Variants in ANO1 observed in about 807,000 individuals in gnomAD.
The protein encoded by ANO1 is anoctamin 1, also known as anoctamin-1.
In ANO1, 59 loss-of-function variants were observed where a neutral mutation model predicts 124.0. That is an observed-to-expected ratio of 0.48 (90% confidence interval 0.39 to 0.59). The LOEUF (loss-of-function observed/expected upper bound fraction) is 0.59, where lower values mean the gene tolerates loss of function less well. Among genes scored for constraint, ANO1 ranks in the 20% least tolerant of loss-of-function variants. The pLI, the probability that ANO1 is intolerant of heterozygous loss-of-function variation, is 0.00. For synonymous variants in ANO1, 529 were observed against 532.0 expected (o/e 0.99, Z 0.08); for missense variants, 1,059 against 1,328.0 (o/e 0.80, Z 3.15).
At position 70,082,380 on chromosome 11, in the gene ANO1, G is replaced by T. The variant is rs2044226564; in HGVS notation, c.108+3666G>T. ...TCAAGACCAGCCTGGCCAACATAGT[G>T]AAACCCAAGTCTCTACTAAAATTAT... On this transcript the variant is annotated intron_variant, in intron 1 of 25. Coordinates refer to ENST00000355303, the MANE Select transcript of ANO1 (RefSeq NM_018043.7). Among the ~76,000 whole-genome samples the T allele has an allele frequency of 3.3e-5, 5 of 152,198 alleles. No homozygotes were observed. The South Asian group carries it at 8.3e-4, about 25-fold the overall frequency.
intron 1 of ANO1, among the ~76,000 whole-genome samples, chr11:69,997,744 C>T (rs7942235): frequency 0.53 from 79,996 of 151,932 alleles, 21,169 homozygotes; most frequent in Non-Finnish European, 0.54. Flanking sequence ...TGAGTTCTCA[C>T]GAACCAGTTT....
chr11:69,997,365 G>T (rs1554998538), intron 1 of ANO1, among the ~76,000 whole-genome samples: 1 of 141,418 alleles, frequency 7.1e-6, no homozygotes, highest in Non-Finnish European at 1.5e-5. Flanking sequence ...AATTACATCA[G>T]GATGAAAGAC....
chr11:69,973,368 G>T, the ANO1 span, among the ~76,000 whole-genome samples: 167 of 152,230 alleles, frequency 1.1e-3, 1 homozygote, highest in Non-Finnish European at 1.9e-3. Flanking sequence ...TCAGCACTTC[G>T]ACCTGCGTCC....
chr11:70,043,790 C>T (rs1429948620), intron 1 of ANO1, among the ~76,000 whole-genome samples: 1 of 152,026 alleles, frequency 6.6e-6, no homozygotes, highest in Non-Finnish European at 1.5e-5. Flanking sequence ...AAATTCATTG[C>T]TAGCAGACCT....
At chr11:70,173,867 A>G (rs974487166) in intron 22 of ANO1, among the ~76,000 whole-genome samples, 7 of 152,038 alleles carry the variant, frequency 4.6e-5, no homozygotes, top group African/African-American at 1.7e-4. Flanking sequence ...CCTGGCCAAT[A>G]TGGTGAAACT....
chr11:70,019,340 A>ACATGCACACACG (rs1457157570), intron 1 of ANO1, among the ~76,000 whole-genome samples: 1 of 150,728 alleles, frequency 6.6e-6, no homozygotes, highest in Non-Finnish European at 1.5e-5. Context: ...ACGCACACAC[A>ACATGCACACACG]CATGCACACA....
intron 1 of ANO1, among the ~76,000 whole-genome samples, chr11:70,055,966 ACC>A (rs1555006792): frequency 1.7e-3 from 254 of 151,862 alleles, no homozygotes; most frequent in African/African-American, 6.0e-3. Flanking sequence ...AACTTCATTT[ACC>A]TTCCCTCCCA....
chr11:70,091,918 C>T (rs1197191783), intron 2 of ANO1, among the ~76,000 whole-genome samples: 5 of 152,212 alleles, frequency 3.3e-5, no homozygotes, highest in Non-Finnish European at 7.3e-5. Flanking sequence ...GGGGCCAGTT[C>T]TTGGAGATCG....
At chr11:70,034,230 C>T (rs1362690927) in intron 1 of ANO1, among the ~76,000 whole-genome samples, 2 of 152,100 alleles carry the variant, frequency 1.3e-5, no homozygotes, top group Non-Finnish European at 2.9e-5. Flanking sequence ...ATCAAACAGG[C>T]CCCTGACTTA....
In ANO1 at chr11:70,106,201, C is replaced by T. The variant is rs899276511; in HGVS notation, c.747+413C>T. Among the ~76,000 whole-genome samples, 5 of 152,058 alleles carry T rather than the reference C, an allele frequency of 3.3e-5. 1 individual carries two copies. Among genetic ancestry groups the T allele is most frequent in the Non-Finnish European group, 2.9e-5 (2 of 68,004 alleles). On this transcript the variant is annotated intron_variant, in intron 5 of 25. Coordinates refer to ENST00000355303, the MANE Select transcript of ANO1 (RefSeq NM_018043.7). ...GGGAGGGTTGGTGGAGGCAAAGGCG[C>T]GTGGGTTGAGATCTCTTTCCAGGCC...
intron 11 of ANO1, 100 bp from the exon 12 acceptor site, chr11:70,149,610 A>G: frequency 8.0e-7 from 1 of 1,256,358 alleles, no homozygotes; most frequent in South Asian, 1.3e-5. Flanking sequence ...AGATTGCGCC[A>G]TTGCACTACA....
chr11:70,053,278 T>A (rs917476165), intron 1 of ANO1, among the ~76,000 whole-genome samples: 4 of 152,222 alleles, frequency 2.6e-5, no homozygotes, highest in Admixed American at 6.5e-5. Flanking sequence ...TTTCTTTTTC[T>A]TGCCTTATTA....
intron 1 of ANO1, among the ~76,000 whole-genome samples, chr11:70,031,578 G>C (rs1486549678): frequency 1.3e-5 from 2 of 152,180 alleles, no homozygotes; most frequent in Non-Finnish European, 2.9e-5. Flanking sequence ...ACACATTCAA[G>C]GTGAGCCGTT....
At chr11:69,989,912 CAAGGAGAGGTTTGGGTGGGGAT>C (rs1250467703) in intron 1 of ANO1, among the ~76,000 whole-genome samples, 3 of 152,140 alleles carry the variant, frequency 2.0e-5, no homozygotes, top group Non-Finnish European at 4.4e-5. Context: ...GAAAAGACCA[CAAGGAGAGGTTTGGGTGGGGAT>C]AAGTGAGAGG....
rs2044637370 is a variant in ANO1, at chr11:70,091,823, G to T, written c.441+3739G>T. The stretch of plus-strand genomic sequence containing the variant: ...GGAGTGAGCAACCCCTATGCCCCGT[G>T]CGTGCCTCCTCACTGAGTCGGGAGG... On this transcript the variant is annotated intron_variant, in intron 2 of 25. Coordinates refer to ENST00000355303, the MANE Select transcript of ANO1 (RefSeq NM_018043.7). Among the ~76,000 whole-genome samples the T allele has an allele frequency of 2.0e-5, 3 of 152,240 alleles. No homozygotes were observed. The South Asian group carries it at 6.2e-4, about 31-fold the overall frequency.
chr11:69,997,751 GTT>G (rs571570134), intron 1 of ANO1, among the ~76,000 whole-genome samples: 77 of 152,236 alleles, frequency 5.1e-4, no homozygotes, highest in Admixed American at 1.0e-3. Flanking sequence ...TCACGAACCA[GTT>G]TTCATCGGGT....
intron 11 of ANO1, among the ~76,000 whole-genome samples, chr11:70,135,151 C>T (rs1286969939): frequency 2.0e-5 from 3 of 152,160 alleles, no homozygotes; most frequent in Non-Finnish European, 4.4e-5. Flanking sequence ...AGCCTCATGG[C>T]ACCCTCCCTC....
chr11:70,098,064 GCACCCGCCAAGGC>G (rs1374621636), intron 2 of ANO1, among the ~76,000 whole-genome samples: 13 of 152,218 alleles, frequency 8.5e-5, no homozygotes, highest in African/African-American at 3.1e-4. Context: ...ACCCCTTGGG[GCACCCGCCAAGGC>G]TCCTGGTGTC....
chr11:70,050,443 C>T lies in ANO1; in HGVS notation c.59-28099C>T, dbSNP rs545969835. On this transcript the variant is annotated intron_variant, in intron 1 of 27. Transcript: ENST00000531349. ...TCACCCGGAGCCCCCTTCCTCGTTC[C>T]CCAGGCAGCTCCCAAGCCCAGCCCT... Among the ~76,000 whole-genome samples the T allele has an allele frequency of 1.6e-4, 24 of 152,272 alleles. No individual in the cohort carries two copies. In the South Asian group the frequency reaches 4.8e-3, roughly 30 times the overall value.
Sources: gnomAD v4.1 joint callset for allele counts (sites outside exome capture counted in the v4.1 genomes callset) on GRCh38, gnomAD v4.1.1 for gene constraint, MANE v1.5 for transcripts, NCBI Gene and HGNC (gene_info 2026-07-23, HGNC 2026-07-21) for gene names.